MAP3K15: variants seen among roughly 807,000 people sequenced by gnomAD.
The protein encoded by MAP3K15 is MAPK/ERK kinase kinase 15.
A neutral mutation model predicts 99.5 loss-of-function variants in MAP3K15; 124 were observed. That is an observed-to-expected ratio of 1.25 (90% CI 1.08 to 1.45). The LOEUF (loss-of-function observed/expected upper bound fraction) is 1.45, where lower values mean the gene tolerates loss of function less well. MAP3K15 is among the 40% of genes most tolerant of loss of function. MAP3K15 has a pLI of 0.00. For missense variants in MAP3K15, 1,242 were observed against 1,079.7 expected, an observed-to-expected ratio of 1.15 and a Z score of -2.11; for synonymous variants, 494 against 439.6, an observed-to-expected ratio of 1.12 and a Z score of -1.55.
At chrX:19,494,527 T>C (rs769540964) in intron 1 of MAP3K15, among the ~76,000 whole-genome samples, 2 of 112,028 alleles carry the variant, frequency 1.8e-5, no homozygotes, top group South Asian at 7.4e-4. Context: ...TCTTGAATAC[T>C]ATTTTTGCTA....
chrX:19,422,817 G>C (rs982921270), intron 9 of MAP3K15, among the ~76,000 whole-genome samples: 2 of 111,475 alleles, frequency 1.8e-5, no homozygotes, highest in African/African-American at 6.5e-5. Context: ...AGAAAATGTG[G>C]CACATATACA....
In MAP3K15 at chrX:19,431,626, T is replaced by C. The variant is rs759594988; in HGVS notation, c.996-18A>G. On this transcript the variant is annotated intron_variant, in intron 6 of 28. Coordinates refer to ENST00000338883, the MANE Select transcript of MAP3K15 (RefSeq NM_001001671.4). ...TGTTTCTCCTGAAAGATAGATGTTA[T>C]AAGGTCACAAATGAATCAATCAAGA... is the stretch of plus-strand genomic sequence containing the variant. The C allele has an allele frequency of 1.7e-6, 2 of 1,181,883 alleles. No homozygotes were observed. Among genetic ancestry groups the C allele is most frequent in the Non-Finnish European group, 2.3e-6 (2 of 882,948 alleles).
intron 3 of MAP3K15, among the ~76,000 whole-genome samples, chrX:19,469,264 A>G (rs1460208759): frequency 2.8e-4 from 31 of 111,768 alleles, no homozygotes; most frequent in Non-Finnish European, 3.0e-4. Context: ...CAACTATCTG[A>G]TCTTTGACAA....
At chrX:19,382,641 C>A (rs183728425) in intron 18 of MAP3K15, among the ~76,000 whole-genome samples, 1 of 111,974 alleles carries the variant, frequency 8.9e-6, no homozygotes, top group Non-Finnish European at 1.9e-5. Context: ...GATGCCCTGG[C>A]GGGGAAATGT....
At chrX:19,420,877 C>G (rs1331620870) in intron 9 of MAP3K15, among the ~76,000 whole-genome samples, 1 of 111,816 alleles carries the variant, frequency 8.9e-6, no homozygotes, top group Admixed American at 9.5e-5. Flanking sequence ...GCTGGTTCAA[C>G]ACATGCAAAT....
chrX:19,414,586 T>C (rs2063717574), intron 10 of MAP3K15, among the ~76,000 whole-genome samples: 1 of 112,580 alleles, frequency 8.9e-6, no homozygotes, highest in Non-Finnish European at 1.9e-5. Flanking sequence ...TTTGCCTTTT[T>C]GGTAACTTTT....
chrX:19,396,454 G>A (rs932926163), intron 15 of MAP3K15, among the ~76,000 whole-genome samples: 7 of 112,169 alleles, frequency 6.2e-5, no homozygotes, highest in Non-Finnish European at 9.4e-5. Context: ...AAAAGAGACT[G>A]GATGCTGGAT....
intron 9 of MAP3K15, among the ~76,000 whole-genome samples, chrX:19,420,966 T>C (rs1374233378): frequency 9.0e-6 from 1 of 111,347 alleles, no homozygotes; most frequent in Non-Finnish European, 1.9e-5. Flanking sequence ...GAAAAGGCCT[T>C]TGACAAAATT....
At chrX:19,362,220 C>G (rs1472462192) in intron 26 of MAP3K15, among the ~76,000 whole-genome samples, 4 of 103,403 alleles carry the variant, frequency 3.9e-5, no homozygotes, top group Non-Finnish European at 5.8e-5. Flanking sequence ...TGGTATGTGG[C>G]CTTTTGAATC....
chrX:19,395,258 A>G, intron 15 of MAP3K15, 50 bp from the exon 16 acceptor site: 1 of 1,163,160 alleles, frequency 8.6e-7, no homozygotes, highest in Non-Finnish European at 1.2e-6. Flanking sequence ...CAGGGACTCT[A>G]GAACCACATC....
At chrX:19,501,808 G>C (rs2064442534) in intron 1 of MAP3K15, among the ~76,000 whole-genome samples, 1 of 112,230 alleles carries the variant, frequency 8.9e-6, no homozygotes, top group South Asian at 3.7e-4. Flanking sequence ...CCTTATGCCT[G>C]CAATCCTAGC....
chrX:19,378,339 G>T (rs1361840590), intron 19 of MAP3K15, among the ~76,000 whole-genome samples: 1 of 112,456 alleles, frequency 8.9e-6, no homozygotes, highest in Non-Finnish European at 1.9e-5. Flanking sequence ...GCATTAGTCT[G>T]TTCTCATGCT....
chrX:19,371,765 G>GCC (rs1340450196), intron 22 of MAP3K15, among the ~76,000 whole-genome samples: 1 of 110,661 alleles, frequency 9.0e-6, no homozygotes, highest in African/African-American at 3.3e-5. Context: ...CCTTGTAAGA[G>GCC]CCCCCATCAA....
chrX:19,411,783 C>A (rs943198554), intron 11 of MAP3K15, among the ~76,000 whole-genome samples: 1 of 111,220 alleles, frequency 9.0e-6, no homozygotes, highest in African/African-American at 3.3e-5. Flanking sequence ...GTTCGGGGAC[C>A]AACAAAGAGG....
intron 6 of MAP3K15, among the ~76,000 whole-genome samples, chrX:19,448,634 A>C (rs2064018624): frequency 9.1e-6 from 1 of 109,624 alleles, no homozygotes; most frequent in South Asian, 4.1e-4. Flanking sequence ...TGATGAAAAA[A>C]TTTGATGTCA....
intron 11 of MAP3K15, among the ~76,000 whole-genome samples, chrX:19,413,085 C>A (rs1456773537): frequency 9.4e-6 from 1 of 106,220 alleles, no homozygotes; most frequent in Non-Finnish European, 1.9e-5. Context: ...AAAAAACAAA[C>A]CAACCTGTAT....
At position 19,371,526 on chromosome X, in the gene MAP3K15, G is replaced by A. The variant is rs774409803; in HGVS notation, c.3113C>T (p.Ser1038Phe). 2 of 1,196,983 alleles carry A rather than the reference G, an allele frequency of 1.7e-6. No homozygotes were observed. Among genetic ancestry groups the A allele is most frequent in the Non-Finnish European group, 2.3e-6 (2 of 884,028 alleles). Residue 1038 changes from serine to phenylalanine, a missense_variant, in exon 23 of 29, where the codon TCC becomes TTC. Transcript: ENST00000338883. ...TCCAACTGAGAGATGCAACTCTTCG[G>A]AACTCTGAAAACACACACAAATCAT... Reference protein sequence around the residue: ...SNLQECVAQSSEELHLSVGHI... With the variant: ...SNLQECVAQSFEELHLSVGHI...
chrX:19,444,307 C>G (rs1007757721), intron 6 of MAP3K15, among the ~76,000 whole-genome samples: 1 of 111,746 alleles, frequency 8.9e-6, no homozygotes, highest in African/African-American at 3.3e-5. Context: ...ATGGTTATCA[C>G]TGATGTTTCC....
At chrX:19,424,728 C>T (rs1190285957) in intron 9 of MAP3K15, among the ~76,000 whole-genome samples, 1 of 110,812 alleles carries the variant, frequency 9.0e-6, no homozygotes, top group Non-Finnish European at 1.9e-5. Flanking sequence ...TCGCTGCAGC[C>T]TTGACCTCCC....
Sources: allele counts gnomAD v4.1 joint callset (sites outside exome capture counted in the v4.1 genomes callset), GRCh38; gene constraint gnomAD v4.1.1; transcripts MANE v1.5; gene names NCBI Gene and HGNC (gene_info 2026-07-23, HGNC 2026-07-21).